Variants in TBC1D15 observed in about 807,000 individuals in gnomAD.
TBC1D15 encodes the protein TBC1 domain family member 15, also known as GAP for RAB7.
A neutral mutation model predicts 95.4 loss-of-function variants in TBC1D15; 39 were observed. The observed-to-expected ratio is 0.41, with a 90% confidence interval of 0.32 to 0.53. TBC1D15 has a LOEUF of 0.53. TBC1D15 is among the 20% of genes least tolerant of loss of function. The pLI is 0.29. For missense variants in TBC1D15, 733 were observed against 794.3 expected (o/e 0.92, Z 0.93); for synonymous variants, 258 against 261.3 (o/e 0.99, Z 0.12).
intron 1 of TBC1D15, among the ~76,000 whole-genome samples, chr12:71,853,292 A>AT (rs1231338511): frequency 3.3e-5 from 5 of 152,308 alleles, no homozygotes; most frequent in African/African-American, 1.2e-4. Context: ...ACCAAGGGAG[A>AT]TGGTGCTAAA....
intron 1 of TBC1D15, among the ~76,000 whole-genome samples, chr12:71,857,431 C>G (rs1167150112): frequency 6.6e-6 from 1 of 152,088 alleles, no homozygotes; most frequent in Non-Finnish European, 1.5e-5. Context: ...TCAATTATTA[C>G]AATTGATAAA....
chr12:71,874,005 C>G (rs1893231622), intron 3 of TBC1D15, among the ~76,000 whole-genome samples: 1 of 152,164 alleles, frequency 6.6e-6, no homozygotes, highest in Non-Finnish European at 1.5e-5. Flanking sequence ...ACATCATCTT[C>G]CATTTGTTCA....
At chr12:71,855,686 A>G (rs1386147947) in intron 1 of TBC1D15, among the ~76,000 whole-genome samples, 1 of 149,508 alleles carries the variant, frequency 6.7e-6, no homozygotes, top group Non-Finnish European at 1.5e-5. Context: ...AAAAAAAAAA[A>G]AAAAAAAGAC....
At chr12:71,920,366 G>T (rs968387171) in intron 14 of TBC1D15, among the ~76,000 whole-genome samples, 1 of 152,128 alleles carries the variant, frequency 6.6e-6, no homozygotes, top group Non-Finnish European at 1.5e-5. Flanking sequence ...TCAGATCGAA[G>T]TGAGAAACTG....
intron 3 of TBC1D15, among the ~76,000 whole-genome samples, chr12:71,878,705 G>A (rs1043180877): frequency 5.6e-5 from 8 of 143,502 alleles, no homozygotes; most frequent in East Asian, 1.9e-4. Flanking sequence ...TAGTAGAGAC[G>A]GGGGTTTTGC....
intron 1 of TBC1D15, among the ~76,000 whole-genome samples, chr12:71,841,384 C>G (rs1034711246): frequency 1.4e-4 from 22 of 152,202 alleles, no homozygotes; most frequent in Non-Finnish European, 2.8e-4. Context: ...CTCATTTATT[C>G]TCATTCACTG....
intron 1 of TBC1D15, among the ~76,000 whole-genome samples, chr12:71,853,686 A>G (rs1240328724): frequency 3.9e-5 from 6 of 152,164 alleles, no homozygotes; most frequent in Non-Finnish European, 8.8e-5. Context: ...GTTCTGTAAA[A>G]TACTATTGAG....
chr12:71,917,937 T>G (rs1185543779), intron 13 of TBC1D15, 140 bp downstream of exon 13: 2 of 552,950 alleles, frequency 3.6e-6, no homozygotes, highest in Non-Finnish European at 6.4e-6. Flanking sequence ...GAGGGAGGAT[T>G]ACTTGCACCC....
At chr12:71,896,176 T>C in intron 8 of TBC1D15, 101 bp downstream of exon 8, 3 of 310,054 alleles carry the variant, frequency 9.7e-6, no homozygotes, top group Non-Finnish European at 1.4e-5. Context: ...TTGTTGTTGG[T>C]TTTTTTTTTT....
chr12:71,908,608 C>A (rs1002713706), intron 11 of TBC1D15, among the ~76,000 whole-genome samples: 1 of 152,098 alleles, frequency 6.6e-6, no homozygotes, highest in Non-Finnish European at 1.5e-5. Context: ...TCTTTGGTGA[C>A]AGTAAGTCAA....
Position 71,858,656 on chromosome 12 carries a change from G to T in TBC1D15, c.31-13414G>T, listed in dbSNP as rs551373881. On this transcript the variant is annotated intron_variant, in intron 1 of 16. Coordinates refer to ENST00000485960, the MANE Select transcript of TBC1D15 (RefSeq NM_001146213.3). ...GCAGCCTCCCAGTTTCTGGGTTCAGGCAGTTCTCCTACCTCAGCCTCCTGA... is the reference window on the plus strand; with the variant it reads ...GCAGCCTCCCAGTTTCTGGGTTCAGTCAGTTCTCCTACCTCAGCCTCCTGA... Among the ~76,000 whole-genome samples the T allele has an allele frequency of 6.6e-5, 10 of 151,390 alleles. No homozygotes were observed. The East Asian group carries it at 1.9e-3, about 29-fold the overall frequency.
intron 1 of TBC1D15, among the ~76,000 whole-genome samples, chr12:71,848,297 T>C (rs1221466433): frequency 6.6e-6 from 1 of 152,230 alleles, no homozygotes; most frequent in African/African-American, 2.4e-5. Flanking sequence ...TAGTGTTTTA[T>C]ATTTCCACTG....
intron 1 of TBC1D15, among the ~76,000 whole-genome samples, chr12:71,856,389 C>A (rs1889077509): frequency 6.6e-6 from 1 of 151,978 alleles, no homozygotes; most frequent in Admixed American, 6.6e-5. Flanking sequence ...CATTCTTTTG[C>A]TGTTTTAGAT....
rs973397936 is a variant in TBC1D15, at chr12:71,919,256, T to A, written c.1599+708T>A. ...GGTCTTGCTATGTTACCTAGACTGA[T>A]CTCGAACTCCTGGACTCAAGTAATC... On this transcript the variant is annotated intron_variant, in intron 14 of 16. Coordinates refer to ENST00000485960, the MANE Select transcript of TBC1D15 (RefSeq NM_001146213.3). Among the ~76,000 whole-genome samples the A allele has an allele frequency of 2.0e-5, 3 of 151,084 alleles. No individual in the cohort carries two copies. The East Asian group carries it at 5.8e-4, about 29-fold the overall frequency.
intron 4 of TBC1D15, among the ~76,000 whole-genome samples, chr12:71,881,794 G>GT (rs952585423): frequency 1.3e-5 from 2 of 151,726 alleles, no homozygotes; most frequent in East Asian, 1.9e-4. Flanking sequence ...GCGCATGCCT[G>GT]TAAGTCCCAG....
intron 3 of TBC1D15, among the ~76,000 whole-genome samples, chr12:71,877,481 C>A (rs996741271): frequency 6.7e-6 from 1 of 149,122 alleles, no homozygotes; most frequent in Non-Finnish European, 1.5e-5. Flanking sequence ...ATTTTAAAAT[C>A]TTTTCTTTCC....
At chr12:71,899,520 T>G (rs2138772454) in intron 10 of TBC1D15, among the ~76,000 whole-genome samples, 1 of 152,354 alleles carries the variant, frequency 6.6e-6, no homozygotes, top group Middle Eastern at 3.4e-3. Flanking sequence ...AAATGTATTT[T>G]GAGAATGCTC....
At chr12:71,872,841 T>C in intron 2 of TBC1D15, 88 bp from the exon 3 acceptor site, 2 of 903,112 alleles carry the variant, frequency 2.2e-6, no homozygotes, top group Non-Finnish European at 3.3e-6. Context: ...TTTAAGAGGC[T>C]GAAATTTTAT....
At chr12:71,842,859 AAG>A (rs1320713994) in intron 1 of TBC1D15, among the ~76,000 whole-genome samples, 1 of 150,974 alleles carries the variant, frequency 6.6e-6, no homozygotes, top group African/African-American at 2.5e-5. Context: ...AGAAAAGAAA[AAG>A]AAAATGAGGA....
Sources: allele counts gnomAD v4.1 joint callset (sites outside exome capture counted in the v4.1 genomes callset), GRCh38; gene constraint gnomAD v4.1.1; transcripts MANE v1.5; gene names NCBI Gene and HGNC (gene_info 2026-07-23, HGNC 2026-07-21).